Variants in MYO18B observed in about 807,000 individuals in gnomAD.
The protein encoded by MYO18B is unconventional myosin-XVIIIb.
In MYO18B, 204 loss-of-function variants were observed where a neutral mutation model predicts 273.0. That is an observed-to-expected ratio of 0.75 (90% confidence interval 0.67 to 0.84). The LOEUF is 0.84. Among genes scored for constraint, MYO18B ranks in the 40% least tolerant of loss-of-function variants. The pLI is 0.00. For missense variants in MYO18B, 3,212 were observed against 3,287.6 expected, an observed-to-expected ratio of 0.98 and a Z score of 0.56; for synonymous variants, 1,330 against 1,305.7, an observed-to-expected ratio of 1.02 and a Z score of -0.40.
rs2092438172 is a variant in MYO18B, at chr22:25,927,504, C to CT, written c.5517+6096dup. ...CCGGTTGATCTCAAAACCCTGTCTCCTGATAAGATGTTATCAATGACAATG... is the reference window on the plus strand; with the variant it reads ...CCGGTTGATCTCAAAACCCTGTCTCCTTGATAAGATGTTATCAATGACAATG... On this transcript the variant is annotated intron_variant, in intron 34 of 43. Transcript: ENST00000335473. Among the ~76,000 whole-genome samples, 5 of 152,240 alleles carry CT rather than the reference C, an allele frequency of 3.3e-5. No homozygotes were observed. In the South Asian group the frequency reaches 1.0e-3, roughly 32 times the overall value.
intron 40 of MYO18B, among the ~76,000 whole-genome samples, chr22:25,997,502 C>G (rs1006681739): frequency 1.3e-5 from 2 of 152,072 alleles, no homozygotes; most frequent in Non-Finnish European, 2.9e-5. Context: ...TAATTCTCAG[C>G]AGGCCTTGAT....
At chr22:25,876,073 C>T (rs902807706) in intron 23 of MYO18B, 116 bp from the exon 24 acceptor site, 60 of 893,022 alleles carry the variant, frequency 6.7e-5, no homozygotes, top group Non-Finnish European at 9.7e-5. Flanking sequence ...CAGTCCCTTC[C>T]ACCGGGAAAT....
chr22:25,950,683 C>T (rs373543272), intron 37 of MYO18B, among the ~76,000 whole-genome samples: 142 of 152,102 alleles, frequency 9.3e-4, no homozygotes, highest in Non-Finnish European at 1.6e-3. Flanking sequence ...GCGATTCTCC[C>T]GCCTCAGCCT....
chr22:26,019,480 A>C (rs1301405066), intron 42 of MYO18B, among the ~76,000 whole-genome samples: 1 of 152,254 alleles, frequency 6.6e-6, no homozygotes, highest in Non-Finnish European at 1.5e-5. Context: ...AAGGCATAAT[A>C]CATGATAACT....
At chr22:25,824,388 G>A (rs886936582) in intron 13 of MYO18B, among the ~76,000 whole-genome samples, 2 of 152,188 alleles carry the variant, frequency 1.3e-5, no homozygotes, top group Non-Finnish European at 2.9e-5. Flanking sequence ...GAGACCAGCA[G>A]TGGCTGCTAG....
intron 1 of MYO18B, among the ~76,000 whole-genome samples, chr22:25,760,398 CA>C (rs1424138382): frequency 9.9e-6 from 1 of 100,698 alleles, no homozygotes; most frequent in African/African-American, 4.1e-5. Flanking sequence ...GGCATCAGAG[CA>C]AGACTCCATC....
chr22:25,761,150 T>C lies in MYO18B; in HGVS notation c.39+19T>C, dbSNP rs778091449. 7 of 1,612,498 alleles carry C rather than the reference T, an allele frequency of 4.3e-6. No individual in the cohort carries two copies. In the East Asian group the frequency reaches 1.6e-4, roughly 36 times the overall value. On this transcript the variant is annotated intron_variant, in intron 2 of 43. Transcript: ENST00000335473. ...GCAGAAGGAAAGTGACACTCATGGC[T>C]GGGGCTGCAGCCATCTGCAGGGACT...
intron 39 of MYO18B, among the ~76,000 whole-genome samples, chr22:25,971,782 C>T (rs2093037929): frequency 6.6e-6 from 1 of 152,084 alleles, no homozygotes; most frequent in Non-Finnish European, 1.5e-5. Flanking sequence ...GTAGTTGGGT[C>T]GACATTAAAG....
chr22:25,833,019 C>A (rs1452060639), intron 16 of MYO18B, 22 bp downstream of exon 16: 27 of 1,607,566 alleles, frequency 1.7e-5, no homozygotes, highest in Non-Finnish European at 2.1e-5. Context: ...CCCAGCCAAT[C>A]CAGGCTCTCA....
At position 25,946,244 on chromosome 22, in the gene MYO18B, G is replaced by A. The variant is rs370465549; in HGVS notation, c.5625G>A (p.Lys1875=). The change falls in exon 35 of 44, where the codon AAG becomes AAA. Residue 1875 remains lysine (K), a synonymous_variant. Transcript: ENST00000335473. Reference sequence around the variant, plus strand: ...AGCTGGAGAACATGACGCGGAACAAGAGCCTGGTACCTGTCCCTTCCTGCA... The same window carrying A: ...AGCTGGAGAACATGACGCGGAACAAAAGCCTGGTACCTGTCCCTTCCTGCA... The part of the protein sequence containing the change: ...HSELENMTRN[K]SLVDEQLYRL... 3.8e-6 allele frequency: 6 copies of A among 1,571,074 alleles called. No individual in the cohort carries two copies. The highest frequency in any genetic ancestry group is 3.5e-5 in the South Asian group (3 of 84,860).
At chr22:25,844,819 T>TA (rs1424289188) in intron 18 of MYO18B, among the ~76,000 whole-genome samples, 1 of 152,158 alleles carries the variant, frequency 6.6e-6, no homozygotes, top group African/African-American at 2.4e-5. Context: ...CAACAGGAGT[T>TA]GCGAGCACAC....
intron 23 of MYO18B, 92 bp from the exon 24 acceptor site, chr22:25,876,096 TC>T: frequency 7.7e-7 from 1 of 1,307,170 alleles, no homozygotes; most frequent in South Asian, 1.4e-5. Flanking sequence ...CCCCACTTCC[TC>T]CAGCCCCTTT....
intron 34 of MYO18B, among the ~76,000 whole-genome samples, chr22:25,941,076 A>G (rs2092638467): frequency 1.3e-5 from 2 of 152,260 alleles, no homozygotes; most frequent in South Asian, 2.1e-4. Context: ...TTGTACCCAC[A>G]TACTCATGCC....
chr22:25,998,471 C>G (rs1406110626), intron 40 of MYO18B, among the ~76,000 whole-genome samples: 1 of 152,090 alleles, frequency 6.6e-6, no homozygotes, highest in Non-Finnish European at 1.5e-5. Flanking sequence ...GAGACGAATG[C>G]TCTGAAAAAA....
intron 39 of MYO18B, among the ~76,000 whole-genome samples, chr22:25,975,921 C>G (rs902649881): frequency 6.6e-6 from 1 of 152,148 alleles, no homozygotes; most frequent in Non-Finnish European, 1.5e-5. Context: ...GATGAGGTCA[C>G]ACAGCAAACA....
chr22:25,866,158 T>G (rs977261551), intron 21 of MYO18B, among the ~76,000 whole-genome samples: 1 of 151,872 alleles, frequency 6.6e-6, no homozygotes, highest in African/African-American at 2.4e-5. Flanking sequence ...TACTCCAGCC[T>G]CATAATACCT....
At chr22:25,921,768 G>A (rs60774968) in intron 34 of MYO18B, among the ~76,000 whole-genome samples, 4 of 149,016 alleles carry the variant, frequency 2.7e-5, no homozygotes, top group African/African-American at 9.9e-5. Flanking sequence ...GCGTGTATGC[G>A]TGTGTGTGTG....
intron 39 of MYO18B, among the ~76,000 whole-genome samples, chr22:25,956,959 A>C (rs912776654): frequency 6.6e-6 from 1 of 152,204 alleles, no homozygotes; most frequent in Non-Finnish European, 1.5e-5. Flanking sequence ...GTGAGGGGGC[A>C]GTAAGGCACC....
chr22:25,988,124 A>G (rs1024576904), intron 39 of MYO18B, among the ~76,000 whole-genome samples: 1 of 151,786 alleles, frequency 6.6e-6, no homozygotes, highest in Non-Finnish European at 1.5e-5. Flanking sequence ...CTGTTTCATG[A>G]GAGGGGCACT....
Sources: gnomAD v4.1 joint callset for allele counts (sites outside exome capture counted in the v4.1 genomes callset) on GRCh38, gnomAD v4.1.1 for gene constraint, MANE v1.5 for transcripts, NCBI Gene and HGNC (gene_info 2026-07-23, HGNC 2026-07-21) for gene names.